EXOC6B: variants seen among roughly 807,000 people sequenced by gnomAD.
EXOC6B encodes the protein SEC15 homolog B.
EXOC6B carries 54 observed loss-of-function variants against 113.5 expected under a neutral mutation model. That is an observed-to-expected ratio of 0.48 (90% CI 0.38 to 0.60). The LOEUF (loss-of-function observed/expected upper bound fraction) is 0.60. Ranked by LOEUF, EXOC6B falls within the 20% of genes least tolerant of loss-of-function variation. EXOC6B has a pLI of 0.00. For missense variants in EXOC6B, 797 were observed against 977.5 expected, an observed-to-expected ratio of 0.82 and a Z score of 2.46; for synonymous variants, 357 against 339.0, an observed-to-expected ratio of 1.05 and a Z score of -0.58.
chr2:72,573,350 G>T (rs997234620), intron 7 of EXOC6B, among the ~76,000 whole-genome samples: 11 of 152,186 alleles, frequency 7.2e-5, no homozygotes, highest in Admixed American at 6.5e-4. Context: ...AAAGGAGTTA[G>T]TTGGTCCTTC....
At chr2:72,217,667 T>A (rs1295057899) in intron 20 of EXOC6B, among the ~76,000 whole-genome samples, 6 of 151,854 alleles carry the variant, frequency 4.0e-5, no homozygotes, top group Admixed American at 2.6e-4. Flanking sequence ...AGAGTGGAGG[T>A]CAGGGAAAAT....
At chr2:72,717,586 G>A (rs1004082286) in intron 6 of EXOC6B, among the ~76,000 whole-genome samples, 2 of 152,056 alleles carry the variant, frequency 1.3e-5, no homozygotes, top group African/African-American at 4.8e-5. Context: ...TGTATATACT[G>A]CTAACATATT....
At chr2:72,409,576 A>G (rs1443309209) in intron 18 of EXOC6B, among the ~76,000 whole-genome samples, 1 of 152,194 alleles carries the variant, frequency 6.6e-6, no homozygotes, top group Non-Finnish European at 1.5e-5. Context: ...AGGGACATGG[A>G]TGAAGCTGGA....
At chr2:72,293,956 G>C (rs1309276982) in intron 20 of EXOC6B, among the ~76,000 whole-genome samples, 4 of 151,956 alleles carry the variant, frequency 2.6e-5, no homozygotes, top group African/African-American at 9.6e-5. Flanking sequence ...AATATTTCTG[G>C]AAAGACTTAA....
At chr2:72,199,099 C>T (rs1018351042) in intron 20 of EXOC6B, among the ~76,000 whole-genome samples, 4 of 152,196 alleles carry the variant, frequency 2.6e-5, no homozygotes, top group Non-Finnish European at 5.9e-5. Context: ...GTGTGAATAT[C>T]AGACGAAAGA....
intron 20 of EXOC6B, among the ~76,000 whole-genome samples, chr2:72,274,844 G>A (rs956561918): frequency 6.6e-6 from 1 of 152,102 alleles, no homozygotes; most frequent in Non-Finnish European, 1.5e-5. Context: ...TTAGTCTAAC[G>A]AAAGATGTTC....
At chr2:72,555,696 G>A (rs1703499320) in intron 8 of EXOC6B, among the ~76,000 whole-genome samples, 1 of 152,160 alleles carries the variant, frequency 6.6e-6, no homozygotes, top group African/African-American at 2.4e-5. Flanking sequence ...GCCCAGGCTG[G>A]AGTGCAGTAG....
At chr2:72,809,122 A>C (rs1685738393) in intron 1 of EXOC6B, among the ~76,000 whole-genome samples, 1 of 152,144 alleles carries the variant, frequency 6.6e-6, no homozygotes, top group African/African-American at 2.4e-5. Context: ...AATAGAGTTC[A>C]AAATAAATGT....
intron 6 of EXOC6B, among the ~76,000 whole-genome samples, chr2:72,717,015 T>C (rs1679664102): frequency 6.6e-6 from 1 of 152,202 alleles, no homozygotes; most frequent in Non-Finnish European, 1.5e-5. Flanking sequence ...CTAAGGTATA[T>C]TGTCACTGAT....
intron 6 of EXOC6B, among the ~76,000 whole-genome samples, chr2:72,624,429 T>A (rs1324733047): frequency 6.6e-6 from 1 of 152,116 alleles, no homozygotes. Context: ...TACAATGATC[T>A]TACTTATAAA....
At chr2:72,373,978 C>T (rs1351774992) in intron 19 of EXOC6B, among the ~76,000 whole-genome samples, 5 of 152,040 alleles carry the variant, frequency 3.3e-5, no homozygotes, top group African/African-American at 1.2e-4. Context: ...AAAAATTAGC[C>T]AGGCATGGTA....
intron 20 of EXOC6B, among the ~76,000 whole-genome samples, chr2:72,301,906 C>CTTTAGTTCT (rs1686556960): frequency 6.6e-6 from 1 of 151,890 alleles, no homozygotes; most frequent in Non-Finnish European, 1.5e-5. Context: ...GCTCTTGATT[C>CTTTAGTTCT]TTTAGTTCTT....
At chr2:72,269,940 T>A (rs1426437616) in intron 20 of EXOC6B, among the ~76,000 whole-genome samples, 3 of 152,158 alleles carry the variant, frequency 2.0e-5, no homozygotes, top group Admixed American at 2.0e-4. Flanking sequence ...TCATCATATA[T>A]GAAGAATATG....
intron 20 of EXOC6B, among the ~76,000 whole-genome samples, chr2:72,288,023 G>C (rs1685553194): frequency 6.6e-6 from 1 of 152,056 alleles, no homozygotes; most frequent in South Asian, 2.1e-4. Flanking sequence ...TTTGGCAAGG[G>C]ACATGAAATG....
intron 8 of EXOC6B, among the ~76,000 whole-genome samples, chr2:72,551,473 G>A (rs1475940841): frequency 1.3e-5 from 2 of 151,062 alleles, no homozygotes; most frequent in East Asian, 2.0e-4. Context: ...TAGGATTACA[G>A]GCGTGAGCCA....
chr2:72,489,832 G>T (rs992619304), intron 16 of EXOC6B, among the ~76,000 whole-genome samples: 2 of 152,140 alleles, frequency 1.3e-5, no homozygotes, highest in African/African-American at 4.8e-5. Flanking sequence ...AAAACTGAAA[G>T]GTAATTTTGA....
At chr2:72,495,691 C>A (rs1354592384) in intron 14 of EXOC6B, among the ~76,000 whole-genome samples, 152 bp from the exon 15 acceptor site, 1 of 152,062 alleles carries the variant, frequency 6.6e-6, no homozygotes, top group African/African-American at 2.4e-5. Flanking sequence ...CCAAAGTTTT[C>A]TGATATTAAA....
At chr2:72,234,089 T>C (rs1681808418) in intron 20 of EXOC6B, among the ~76,000 whole-genome samples, 1 of 150,918 alleles carries the variant, frequency 6.6e-6, no homozygotes, top group Non-Finnish European at 1.5e-5. Flanking sequence ...GCCTCTTTTT[T>C]TTTTTTTTTT....
At chr2:72,557,613 C>A (rs562146375) in intron 8 of EXOC6B, among the ~76,000 whole-genome samples, 1 of 151,832 alleles carries the variant, frequency 6.6e-6, no homozygotes, top group South Asian at 2.1e-4. Flanking sequence ...CTTATGAACA[C>A]AAAGAAGGAA....
Sources: gnomAD v4.1 joint callset for allele counts (sites outside exome capture counted in the v4.1 genomes callset) on GRCh38, gnomAD v4.1.1 for gene constraint, MANE v1.5 for transcripts, NCBI Gene and HGNC (gene_info 2026-07-23, HGNC 2026-07-21) for gene names.